LRRC47: variants seen among roughly 807,000 people sequenced by gnomAD.
LRRC47 encodes leucine rich repeat containing 47.
Under a neutral mutation model 40.9 loss-of-function variants are expected in LRRC47, and 31 were observed. The observed-to-expected ratio is 0.76, with a 90% CI of 0.57 to 1.02. The LOEUF (loss-of-function observed/expected upper bound fraction) is 1.02, where lower values mean the gene tolerates loss of function less well. LRRC47 is among the 50% of genes least tolerant of loss of function. The pLI is 0.00. For synonymous variants in LRRC47, 427 were observed against 371.9 expected (o/e 1.15, Z -1.70); for missense variants, 726 against 796.1 (o/e 0.91, Z 1.06).
intron 1 of LRRC47, among the ~76,000 whole-genome samples, chr1:3,795,603 A>G (rs963665194): frequency 6.6e-6 from 1 of 152,222 alleles, no homozygotes; most frequent in Non-Finnish European, 1.5e-5. Context: ...ACCACGTGTA[A>G]AAGTCCAGTT....
In LRRC47 at chr1:3,782,702, C is replaced by A; in HGVS notation, c.1372G>T (p.Val458Leu). 6.2e-7 allele frequency: 1 copy of A among 1,613,152 alleles called. No individual in the cohort carries two copies. The highest frequency in any genetic ancestry group is 1.3e-5 in the African/African-American group (1 of 75,048). ...YPCLVDADGDVISFPPITNSE... is the reference protein window; with the variant it reads ...YPCLVDADGDLISFPPITNSE... ...TTGGTTATTGGTGGGAAGGAAATCA[C>A]ATCACCGTCTGCATCCACAAGACAC... Residue 458 changes from valine to leucine, a missense_variant, in exon 5 of 7, where the codon GTG (valine) becomes TTG (leucine). By Grantham distance (32) the Val-to-Leu change is conservative (BLOSUM62 1). Transcript: ENST00000378251.
At chr1:3,794,236 T>G (rs1203615094) in intron 1 of LRRC47, among the ~76,000 whole-genome samples, 1 of 152,170 alleles carries the variant, frequency 6.6e-6, no homozygotes, top group Non-Finnish European at 1.5e-5. Flanking sequence ...GTCTCCACTT[T>G]AGCTGGCTCT....
chr1:3,783,170 A>G (rs1219129785), intron 4 of LRRC47: 1 of 163,900 alleles, frequency 6.1e-6, no homozygotes, highest in East Asian at 1.7e-4. Context: ...CTGTAATCCT[A>G]GCAGTTTGGG....
chr1:3,788,303 G>A (rs1287172661), intron 1 of LRRC47, among the ~76,000 whole-genome samples: 1 of 152,236 alleles, frequency 6.6e-6, no homozygotes, highest in African/African-American at 2.4e-5. Context: ...TTCCTCTAGG[G>A]CTGGAGGAAG....
chr1:3,787,658 CAG>C (rs1327321225), intron 1 of LRRC47, among the ~76,000 whole-genome samples: 5 of 152,306 alleles, frequency 3.3e-5, no homozygotes, highest in Middle Eastern at 3.4e-3. Context: ...TGACAAGAGA[CAG>C]GGGATGTCTG....
chr1:3,783,686 T>G, intron 4 of LRRC47: 3 of 296,188 alleles, frequency 1.0e-5, no homozygotes, highest in Admixed American at 9.3e-5. Flanking sequence ...TGGGCTGGCA[T>G]TTATGTCTGT....
intron 1 of LRRC47, among the ~76,000 whole-genome samples, chr1:3,788,845 T>G (rs1049966080): frequency 6.6e-6 from 1 of 152,138 alleles, no homozygotes; most frequent in Non-Finnish European, 1.5e-5. Context: ...AGGGCTCGCG[T>G]GCCCTCTGGG....
At position 3,796,017 on chromosome 1, in the gene LRRC47, G is replaced by C. The variant is rs1229278218; in HGVS notation, c.460C>G (p.Arg154Gly). The C allele has an allele frequency of 6.4e-7, 1 of 1,550,576 alleles. No individual in the cohort carries two copies. Among genetic ancestry groups the C allele is most frequent in the Non-Finnish European group, 8.7e-7 (1 of 1,149,706 alleles). ...LPADLARCAP[R>G]LQSLNLTGNC... ...CCGGTGAGGTTGAGGCTCTGCAGGCGCGGGGCGCAGCGCGCCAGGTCGGCT... is the reference window on the plus strand; with the variant it reads ...CCGGTGAGGTTGAGGCTCTGCAGGCCCGGGGCGCAGCGCGCCAGGTCGGCT... Residue 154 changes from arginine (R) to glycine (G), a missense_variant, in exon 1 of 7, where the codon CGC (arginine) becomes GGC (glycine). Physicochemically the swap from Arg to Gly is moderately radical, Grantham distance 125. Coordinates refer to ENST00000378251, the MANE Select transcript of LRRC47 (RefSeq NM_020710.3).
intron 1 of LRRC47, among the ~76,000 whole-genome samples, chr1:3,789,834 C>G (rs1317201135): frequency 6.6e-6 from 1 of 152,204 alleles, no homozygotes; most frequent in Non-Finnish European, 1.5e-5. Flanking sequence ...CAGGCCAGCA[C>G]TGGGCACCCA....
Position 3,781,020 on chromosome 1 carries a change from A to G in LRRC47, c.*68T>C, listed in dbSNP as rs773290315. ...AAACTGGGGTGAAAATCTAACGGAT[A>G]ATTCAGCATTGCCGCATAGAAACCT... is the stretch of plus-strand genomic sequence containing the variant. On this transcript the variant is annotated 3_prime_UTR_variant, in exon 7 of 7. Coordinates refer to ENST00000378251, the MANE Select transcript of LRRC47 (RefSeq NM_020710.3). 210 of 1,556,146 alleles carry G rather than the reference A, an allele frequency of 1.3e-4. No homozygotes were observed. Among genetic ancestry groups the G allele is most frequent in the Non-Finnish European group, 1.7e-4 (194 of 1,153,108 alleles).
At chr1:3,788,181 G>T (rs1250693504) in intron 1 of LRRC47, among the ~76,000 whole-genome samples, 3 of 152,244 alleles carry the variant, frequency 2.0e-5, no homozygotes, top group Non-Finnish European at 4.4e-5. Flanking sequence ...GCAGGTTCAG[G>T]CAAAAGGGGC....
chr1:3,787,030 T>C lies in LRRC47; in HGVS notation c.896A>G (p.Gln299Arg). Residue 299 changes from glutamine (Q) to arginine (R), a missense_variant, in exon 2 of 7, where the codon CAG becomes CGG. Transcript: ENST00000378251. ...CAGCCGGCCGGCATCTCCCACGTCC[T>C]GCTCCTCCCCATCACCACCTTCCCG... is the stretch of plus-strand genomic sequence containing the variant. Reference protein sequence around the residue: ...QRREGGDGEEQDVGDAGRLLL... With the variant: ...QRREGGDGEERDVGDAGRLLL... 6.2e-7 allele frequency: 1 copy of C among 1,612,138 alleles called. No homozygotes were observed. Among genetic ancestry groups the C allele is most frequent in the Non-Finnish European group, 8.5e-7 (1 of 1,179,220 alleles).
chr1:3,787,670 G>C (rs1227169921), intron 1 of LRRC47, among the ~76,000 whole-genome samples: 3 of 152,212 alleles, frequency 2.0e-5, no homozygotes, highest in Admixed American at 1.3e-4. Flanking sequence ...GGGGATGTCT[G>C]GGTGTGAAAC....
intron 2 of LRRC47, among the ~76,000 whole-genome samples, chr1:3,786,551 A>G (rs1177669862): frequency 6.6e-6 from 1 of 152,124 alleles, no homozygotes; most frequent in Admixed American, 6.5e-5. Flanking sequence ...AGCAAGGGAT[A>G]CGACCAGTGA....
At position 3,782,031 on chromosome 1, in the gene LRRC47, G is replaced by A. The variant is rs184633518; in HGVS notation, c.1414-430C>T. Among the ~76,000 whole-genome samples the A allele has an allele frequency of 1.7e-3, 254 of 152,306 alleles. 1 individual carries two copies. The highest frequency in any genetic ancestry group is 2.7e-3 in the Admixed American group (41 of 15,300). ...ACACACACCAAGCCCACTCCTTACA[G>A]AGGAAGACTGCAGTGCTGCACACAG... On this transcript the variant is annotated intron_variant, in intron 5 of 6. Transcript: ENST00000378251.
chr1:3,791,469 T>C (rs948035704), intron 1 of LRRC47, among the ~76,000 whole-genome samples: 22 of 152,328 alleles, frequency 1.4e-4, no homozygotes, highest in African/African-American at 4.3e-4. Flanking sequence ...CTCTCCTTTT[T>C]TCTTGAGACG....
intron 1 of LRRC47, among the ~76,000 whole-genome samples, chr1:3,791,774 G>A (rs941174426): frequency 1.5e-4 from 22 of 150,460 alleles, no homozygotes; most frequent in Non-Finnish European, 3.2e-4. Context: ...CTTTCTTTAA[G>A]ACAGGGTCTA....
At chr1:3,793,610 C>A (rs1643646188) in intron 1 of LRRC47, among the ~76,000 whole-genome samples, 1 of 152,126 alleles carries the variant, frequency 6.6e-6, no homozygotes, top group African/African-American at 2.4e-5. Context: ...TATGCGACTT[C>A]CCCAGTGACT....
Position 3,781,203 on chromosome 1 carries a change from G to C in LRRC47, c.1637C>G (p.Ser546Cys), listed in dbSNP as rs745746787. 6.2e-7 allele frequency: 1 copy of C among 1,614,182 alleles called. No individual in the cohort carries two copies. Among genetic ancestry groups the C allele is most frequent in the Non-Finnish European group, 8.5e-7 (1 of 1,180,014 alleles). Residue 546 changes from serine (S) to cysteine (C), a missense_variant, in exon 7 of 7, where the codon TCC (serine) becomes TGC (cysteine). Coordinates refer to ENST00000378251, the MANE Select transcript of LRRC47 (RefSeq NM_020710.3). ...CCGGACCTGCTCCACCACCAGAAGG[G>C]AGGGCCCGTCCTTTCCAGCACTGGG... ...TNPSAGKDGPSLLVVEQVRVV... is the reference protein window; with the variant it reads ...TNPSAGKDGPCLLVVEQVRVV...
Sources: gnomAD v4.1 joint callset for allele counts (sites outside exome capture counted in the v4.1 genomes callset) on GRCh38, gnomAD v4.1.1 for gene constraint, MANE v1.5 for transcripts, NCBI Gene and HGNC (gene_info 2026-07-23, HGNC 2026-07-21) for gene names.